The following ASTN1 variants were observed in gnomAD, a reference collection of about 807,000 sequenced individuals.
The protein encoded by ASTN1 is astrotactin-1.
ASTN1 carries 41 observed loss-of-function variants against 140.7 expected under a neutral mutation model. The observed-to-expected ratio is 0.29, with a 90% confidence interval of 0.23 to 0.38. The LOEUF is 0.38. ASTN1 is among the 10% of genes least tolerant of loss of function. ASTN1 has a pLI of 1.00. For synonymous variants in ASTN1, 640 were observed against 652.2 expected (o/e 0.98, Z 0.29); for missense variants, 1,479 against 1,678.8 (o/e 0.88, Z 2.08).
At position 176,884,545 on chromosome 1, in the gene ASTN1, G is replaced by A. The variant is rs146694707; in HGVS notation, c.3075-55C>T. On this transcript the variant is annotated intron_variant, in intron 18 of 22. Transcript: ENST00000361833. ...AGGGACACAACTGTGACTCACTTTGGGCACTGACTACCTCAATTGTGATAC... is the reference window on the plus strand; with the variant it reads ...AGGGACACAACTGTGACTCACTTTGAGCACTGACTACCTCAATTGTGATAC... 690 of 1,548,444 alleles carry A rather than the reference G, an allele frequency of 4.5e-4. 3 individuals carry two copies. The African/African-American group carries it at 6.9e-3, about 16-fold the overall frequency.
Position 176,863,848 on chromosome 1 carries a change from T to C in ASTN1, c.*436A>G. The C allele has an allele frequency of 1.0e-6, 1 of 998,894 alleles. No individual in the cohort carries two copies. Among genetic ancestry groups the C allele is most frequent in the Non-Finnish European group, 1.2e-6 (1 of 837,180 alleles). 61.9% of individuals were successfully genotyped at this position (998,894 alleles called of 1,614,324 possible). On this transcript the variant is annotated 3_prime_UTR_variant, in exon 23 of 23. Coordinates refer to ENST00000361833, the MANE Select transcript of ASTN1 (RefSeq NM_004319.3). Reference sequence around the variant, plus strand: ...CTGAGGAATGCTTGAGGGTGGGGCCTGCGGCAGGCCTAACAACTTTCTGGC... The same window carrying C: ...CTGAGGAATGCTTGAGGGTGGGGCCCGCGGCAGGCCTAACAACTTTCTGGC...
chr1:177,007,503 C>T (rs750457832), intron 8 of ASTN1, among the ~76,000 whole-genome samples: 5 of 152,200 alleles, frequency 3.3e-5, no homozygotes, highest in South Asian at 2.1e-4. Context: ...GATGCCTTCT[C>T]GAGGCGTCTG....
intron 12 of ASTN1, among the ~76,000 whole-genome samples, chr1:176,947,541 A>C (rs1322624540): frequency 6.6e-6 from 1 of 152,228 alleles, no homozygotes; most frequent in Non-Finnish European, 1.5e-5. Context: ...ACAGGAAAGA[A>C]ATCCAGTCCA....
At chr1:177,101,369 G>C (rs1047504164) in intron 1 of ASTN1, among the ~76,000 whole-genome samples, 2 of 152,190 alleles carry the variant, frequency 1.3e-5, no homozygotes, top group African/African-American at 4.8e-5. Flanking sequence ...CTATTTTTCA[G>C]TGACAATGAA....
intron 1 of ASTN1, among the ~76,000 whole-genome samples, chr1:177,141,427 A>G (rs1293711457): frequency 6.6e-6 from 1 of 151,792 alleles, no homozygotes; most frequent in African/African-American, 2.4e-5. Context: ...CCTTGTACAC[A>G]TTGTTAAAAG....
chr1:177,006,535 G>GCAGTAGAATA (rs1445514916), intron 8 of ASTN1, among the ~76,000 whole-genome samples: 5 of 152,200 alleles, frequency 3.3e-5, no homozygotes, highest in African/African-American at 1.2e-4. Context: ...GCCCATGCAT[G>GCAGTAGAATA]CAGTAGAATA....
chr1:176,888,228 A>G, intron 17 of ASTN1, 24 bp from the exon 18 acceptor site: 1 of 1,613,042 alleles, frequency 6.2e-7, no homozygotes. Context: ...CAGGGAAAAG[A>G]TTGAGTGTTG....
At chr1:176,931,422 C>T (rs1442998234) in intron 16 of ASTN1, among the ~76,000 whole-genome samples, 2 of 152,104 alleles carry the variant, frequency 1.3e-5, no homozygotes, top group Non-Finnish European at 2.9e-5. Context: ...GCCGAGATCA[C>T]GCCATTGCAC....
chr1:177,106,458 A>G (rs1279396543), intron 1 of ASTN1, among the ~76,000 whole-genome samples: 2 of 152,174 alleles, frequency 1.3e-5, no homozygotes, highest in Non-Finnish European at 2.9e-5. Context: ...TGCAGCTTAC[A>G]GTCTGATATA....
At chr1:176,996,575 C>A (rs1674459256) in intron 8 of ASTN1, among the ~76,000 whole-genome samples, 1 of 152,100 alleles carries the variant, frequency 6.6e-6, no homozygotes, top group African/African-American at 2.4e-5. Context: ...CATCACCAGC[C>A]CTCTCTCTGG....
intron 16 of ASTN1, among the ~76,000 whole-genome samples, chr1:176,916,988 G>C (rs531489007): frequency 1.3e-5 from 2 of 152,066 alleles, no homozygotes; most frequent in East Asian, 3.9e-4. Context: ...CACAACCCAG[G>C]GTTGTGCTTT....
chr1:177,149,716 TAC>T, intron 1 of ASTN1, among the ~76,000 whole-genome samples: 1 of 69,268 alleles, frequency 1.4e-5, no homozygotes, highest in African/African-American at 1.2e-4. Flanking sequence ...ACACTGTATA[TAC>T]ATAGTAAATA....
intron 1 of ASTN1, among the ~76,000 whole-genome samples, chr1:177,128,292 T>C (rs1386684113): frequency 1.3e-5 from 2 of 152,216 alleles, no homozygotes; most frequent in Non-Finnish European, 2.9e-5. Flanking sequence ...ATTTTCTTAT[T>C]ATGCATCAGA....
intron 16 of ASTN1, among the ~76,000 whole-genome samples, chr1:176,899,703 T>A (rs1049020365): frequency 1.3e-5 from 2 of 152,100 alleles, no homozygotes; most frequent in African/African-American, 4.8e-5. Flanking sequence ...CCCAGTCTAC[T>A]GCTCAAGCCA....
At chr1:176,996,139 T>C (rs538140257) in intron 8 of ASTN1, among the ~76,000 whole-genome samples, 69 of 152,136 alleles carry the variant, frequency 4.5e-4, no homozygotes, top group South Asian at 1.7e-3. Context: ...ATGGCTTTGT[T>C]AAAAATTATT....
At chr1:177,045,008 T>G (rs1677151637) in intron 2 of ASTN1, among the ~76,000 whole-genome samples, 1 of 152,026 alleles carries the variant, frequency 6.6e-6, no homozygotes. Context: ...AGGTCTTTTT[T>G]TTTCTGCCTA....
chr1:176,941,632 T>C (rs1227693564), intron 14 of ASTN1, among the ~76,000 whole-genome samples: 1 of 152,226 alleles, frequency 6.6e-6, no homozygotes, highest in East Asian at 1.9e-4. Flanking sequence ...GTTTTTCTGA[T>C]GTTTCTCAGC....
intron 16 of ASTN1, among the ~76,000 whole-genome samples, chr1:176,896,861 T>C (rs148462596): frequency 6.6e-6 from 1 of 152,246 alleles, no homozygotes; most frequent in African/African-American, 2.4e-5. Flanking sequence ...GTGTTCTGTG[T>C]GTGTCCATCA....
intron 5 of ASTN1, among the ~76,000 whole-genome samples, chr1:177,028,726 A>G (rs905935159): frequency 1.1e-4 from 17 of 152,230 alleles, no homozygotes; most frequent in Admixed American, 6.5e-5. Context: ...AACAGCAACA[A>G]TAGGGATTTC....
Sources: allele counts gnomAD v4.1 joint callset (sites outside exome capture counted in the v4.1 genomes callset), GRCh38; gene constraint gnomAD v4.1.1; transcripts MANE v1.5; gene names NCBI Gene and HGNC (gene_info 2026-07-23, HGNC 2026-07-21).